GABRB1: variants seen among roughly 807,000 people sequenced by gnomAD.
GABRB1 encodes gamma-aminobutyric acid type A receptor subunit beta1, also known as gamma-aminobutyric acid receptor subunit beta-1.
Under a neutral mutation model 51.6 loss-of-function variants are expected in GABRB1, and 17 were observed. The observed-to-expected ratio is 0.33, with a 90% CI of 0.23 to 0.49. The LOEUF is 0.49. Ranked by LOEUF, GABRB1 falls within the 20% of genes least tolerant of loss-of-function variation. The probability of loss-of-function intolerance (pLI) is 0.99; values close to 1 mark genes in which losing one functional copy is unlikely to be tolerated. For synonymous variants in GABRB1, 247 were observed against 218.9 expected, an observed-to-expected ratio of 1.13 and a Z score of -1.14; for missense variants, 410 against 600.6, an observed-to-expected ratio of 0.68 and a Z score of 3.32.
chr4:47,044,756 A>AT (rs199616887), intron 3 of GABRB1, among the ~76,000 whole-genome samples: 3 of 152,128 alleles, frequency 2.0e-5, no homozygotes, highest in African/African-American at 7.2e-5. Flanking sequence ...TAAATATAAT[A>AT]TTTTTGCTTG....
chr4:47,207,840 T>C (rs958525677), intron 4 of GABRB1, among the ~76,000 whole-genome samples: 1 of 152,058 alleles, frequency 6.6e-6, no homozygotes, highest in Admixed American at 6.6e-5. Context: ...AGGCATAGCA[T>C]ATATTTGATC....
intron 8 of GABRB1, among the ~76,000 whole-genome samples, chr4:47,414,284 T>G (rs1728847607): frequency 6.6e-6 from 1 of 152,142 alleles, no homozygotes; most frequent in South Asian, 2.1e-4. Context: ...GTGCCCAAGG[T>G]GGTCAGAGCA....
chr4:47,373,541 G>A (rs1459320287), intron 5 of GABRB1, among the ~76,000 whole-genome samples: 1 of 152,172 alleles, frequency 6.6e-6, no homozygotes, highest in Non-Finnish European at 1.5e-5. Context: ...GACCCAGACT[G>A]GGGTTCAAGA....
At position 47,171,769 on chromosome 4, in the gene GABRB1, A is replaced by G. The variant is rs557774172; in HGVS notation, c.461+10300A>G. On this transcript the variant is annotated intron_variant, in intron 4 of 8. Coordinates refer to ENST00000295454, the MANE Select transcript of GABRB1 (RefSeq NM_000812.4). The stretch of plus-strand genomic sequence containing the variant: ...TCATTTATAGAATTGAGATAATACT[A>G]TCGCCTATGTAACACATGTTGCTTA... Among the ~76,000 whole-genome samples the G allele has an allele frequency of 4.6e-5, 7 of 152,242 alleles. No individual in the cohort carries two copies. In the South Asian group the frequency reaches 1.4e-3, roughly 32 times the overall value.
At chr4:47,277,793 T>C (rs1723143390) in intron 4 of GABRB1, among the ~76,000 whole-genome samples, 1 of 152,094 alleles carries the variant, frequency 6.6e-6, no homozygotes, top group African/African-American at 2.4e-5. Flanking sequence ...TTCAAAATTA[T>C]GATAGATATT....
chr4:47,279,101 TGG>T, intron 4 of GABRB1, among the ~76,000 whole-genome samples: 1 of 151,636 alleles, frequency 6.6e-6, no homozygotes, highest in Non-Finnish European at 1.5e-5. Flanking sequence ...GATGGATGGA[TGG>T]ATGGATGGAT....
At chr4:47,315,416 T>G (rs1182906570) in intron 4 of GABRB1, among the ~76,000 whole-genome samples, 2 of 151,904 alleles carry the variant, frequency 1.3e-5, no homozygotes, top group African/African-American at 4.8e-5. Flanking sequence ...AAAGGAAAAT[T>G]TATACACTGC....
chr4:47,000,053 T>G (rs1724131049), intron 1 of GABRB1, among the ~76,000 whole-genome samples: 1 of 152,176 alleles, frequency 6.6e-6, no homozygotes, highest in African/African-American at 2.4e-5. Flanking sequence ...ACCTTGTTAG[T>G]CAAATTGCAA....
At chr4:47,078,334 A>C (rs562439916) in intron 3 of GABRB1, among the ~76,000 whole-genome samples, 6 of 152,232 alleles carry the variant, frequency 3.9e-5, no homozygotes, top group Non-Finnish European at 7.4e-5. Context: ...CAGATGCCTG[A>C]CTAAGCACAG....
At chr4:47,124,261 G>A (rs1716009127) in intron 3 of GABRB1, among the ~76,000 whole-genome samples, 1 of 151,994 alleles carries the variant, frequency 6.6e-6, no homozygotes, top group Non-Finnish European at 1.5e-5. Flanking sequence ...CAGAATGCAT[G>A]TTCATTCTGG....
rs1476448368 is a variant in GABRB1, at chr4:47,031,658, A to T, written c.7A>T (p.Thr3Ser). 11 of 1,612,144 alleles carry T rather than the reference A, an allele frequency of 6.8e-6. No individual in the cohort carries two copies. The highest frequency in any genetic ancestry group is 8.5e-6 in the Non-Finnish European group (10 of 1,178,294). ...CTTTTAATCAGAGTTAGTAATGTGG[A>T]CAGTACAAAATCGAGAGAGTCTGGG... is the stretch of plus-strand genomic sequence containing the variant. MW[T>S]VQNRESLGLL... The change falls in exon 1 of 9, where the codon ACA (threonine) becomes TCA (serine). Residue 3 changes from threonine to serine, a missense_variant. By Grantham distance (58) the Thr-to-Ser change is moderately conservative. Coordinates refer to ENST00000295454, the MANE Select transcript of GABRB1 (RefSeq NM_000812.4).
At chr4:47,224,210 C>A (rs1720864610) in intron 4 of GABRB1, among the ~76,000 whole-genome samples, 1 of 152,072 alleles carries the variant, frequency 6.6e-6, no homozygotes, top group South Asian at 2.1e-4. Context: ...AGAACCCTTC[C>A]ACATTTGACT....
intron 4 of GABRB1, among the ~76,000 whole-genome samples, chr4:47,235,558 C>A (rs10938479): frequency 0.016 from 2,163 of 137,850 alleles, 41 homozygotes; most frequent in African/African-American, 0.054. Flanking sequence ...AAAAAAAAAC[C>A]AAAAAAAAAA....
At chr4:47,274,618 T>A (rs1723013155) in intron 4 of GABRB1, among the ~76,000 whole-genome samples, 1 of 152,116 alleles carries the variant, frequency 6.6e-6, no homozygotes, top group African/African-American at 2.4e-5. Flanking sequence ...GTACTCAATT[T>A]CAATATTTAG....
At chr4:47,277,096 G>A (rs1723111011) in intron 4 of GABRB1, among the ~76,000 whole-genome samples, 2 of 151,990 alleles carry the variant, frequency 1.3e-5, no homozygotes, top group East Asian at 1.9e-4. Context: ...ATTAATGTAG[G>A]CAACAGGACT....
chr4:47,158,429 A>G (rs1396396047), intron 3 of GABRB1, among the ~76,000 whole-genome samples: 3 of 152,100 alleles, frequency 2.0e-5, no homozygotes, highest in Non-Finnish European at 2.9e-5. Context: ...ACCAATTTTC[A>G]AGATAGTCCC....
At chr4:47,170,632 C>T (rs548246016) in intron 4 of GABRB1, among the ~76,000 whole-genome samples, 166 of 152,116 alleles carry the variant, frequency 1.1e-3, no homozygotes, top group Non-Finnish European at 1.3e-3. Context: ...AAATACTGTG[C>T]GGTTGATTGC....
At chr4:47,228,390 C>T (rs1054512397) in intron 4 of GABRB1, among the ~76,000 whole-genome samples, 3 of 151,716 alleles carry the variant, frequency 2.0e-5, no homozygotes, top group African/African-American at 7.3e-5. Flanking sequence ...GGTCTTGGGT[C>T]CCAAGTGTGT....
At chr4:47,195,397 TAGATAGATAGATAGATAGATA>T (rs1257011528) in intron 4 of GABRB1, among the ~76,000 whole-genome samples, 3 of 129,844 alleles carry the variant, frequency 2.3e-5, no homozygotes, top group Non-Finnish European at 4.9e-5. Context: ...AGATAGATGA[TAGATAGATAGATAGATAGATA>T]GATAGATAGA....
Sources: allele counts gnomAD v4.1 joint callset (sites outside exome capture counted in the v4.1 genomes callset), GRCh38; gene constraint gnomAD v4.1.1; transcripts MANE v1.5; gene names NCBI Gene and HGNC (gene_info 2026-07-23, HGNC 2026-07-21).